The following NRXN1 variants were observed in gnomAD, a reference collection of about 807,000 sequenced individuals.
The protein encoded by NRXN1 is neurexin-1.
NRXN1 carries 39 observed loss-of-function variants against 150.9 expected under a neutral mutation model. The observed-to-expected ratio is 0.26, with a 90% CI of 0.20 to 0.34. The LOEUF (loss-of-function observed/expected upper bound fraction) is 0.34. Among genes scored for constraint, NRXN1 ranks in the 10% least tolerant of loss-of-function variants. The pLI is 1.00. For missense variants in NRXN1, 1,815 were observed against 1,949.9 expected (o/e 0.93, Z 1.30); for synonymous variants, 924 against 757.0 (o/e 1.22, Z -3.62).
intron 17 of NRXN1, among the ~76,000 whole-genome samples, chr2:50,409,763 C>T (rs1346239699): frequency 6.6e-6 from 1 of 152,194 alleles, no homozygotes; most frequent in Non-Finnish European, 1.5e-5. Context: ...ATGTAAGGTG[C>T]TGTGTCAACA....
At chr2:50,098,830 G>GTTTTTTTT (rs746736925) in intron 18 of NRXN1, among the ~76,000 whole-genome samples, 26 of 105,524 alleles carry the variant, frequency 2.5e-4, no homozygotes, top group East Asian at 6.1e-4. Flanking sequence ...TTTGGTTTTA[G>GTTTTTTTT]TTTTTTTTTT....
intron 17 of NRXN1, among the ~76,000 whole-genome samples, chr2:50,306,290 T>C (rs2074602994): frequency 6.6e-6 from 1 of 152,182 alleles, no homozygotes; most frequent in Admixed American, 6.5e-5. Flanking sequence ...CTTTTACTAA[T>C]AAAATAGATG....
intron 17 of NRXN1, among the ~76,000 whole-genome samples, chr2:50,343,662 GC>G (rs1423049243): frequency 6.6e-6 from 1 of 152,174 alleles, no homozygotes; most frequent in African/African-American, 2.4e-5. Context: ...TCTGCGCCCT[GC>G]AAACCTTGTA....
intron 18 of NRXN1, among the ~76,000 whole-genome samples, chr2:50,093,124 AT>A (rs2152699975): frequency 6.7e-6 from 1 of 149,038 alleles, no homozygotes; most frequent in South Asian, 2.1e-4. Context: ...CTAAAAAAAA[AT>A]CTTTAAAAAA....
intron 5 of NRXN1, among the ~76,000 whole-genome samples, chr2:50,634,795 A>C (rs1006657678): frequency 2.0e-5 from 3 of 152,064 alleles, no homozygotes; most frequent in African/African-American, 7.2e-5. Flanking sequence ...TGATGAGGGG[A>C]AGAGAAAAGA....
chr2:50,352,392 T>C (rs1021296729), intron 17 of NRXN1, among the ~76,000 whole-genome samples: 2 of 152,100 alleles, frequency 1.3e-5, no homozygotes, highest in Admixed American at 6.6e-5. Flanking sequence ...TCCTTAAGCT[T>C]AATTGGAAAC....
chr2:49,943,830 T>C (rs1349339100), intron 21 of NRXN1, 39 bp from the exon 22 acceptor site: 1 of 1,395,898 alleles, frequency 7.2e-7, no homozygotes, highest in Non-Finnish European at 1.0e-6. Flanking sequence ...ATTTAAAGGG[T>C]CCTAACAGAT....
intron 5 of NRXN1, chr2:50,829,751 T>C (rs540055506): frequency 7.5e-5 from 118 of 1,575,016 alleles, no homozygotes; most frequent in Non-Finnish European, 9.4e-5. Context: ...TTGCACGGCA[T>C]GGCCCGCTTA....
chr2:50,030,018 G>T (rs999756796), intron 21 of NRXN1, among the ~76,000 whole-genome samples: 1 of 152,128 alleles, frequency 6.6e-6, no homozygotes, highest in African/African-American at 2.4e-5. Flanking sequence ...ATGCAAGCAG[G>T]CATTTAAAAT....
At chr2:50,308,218 A>G (rs1444989028) in intron 17 of NRXN1, among the ~76,000 whole-genome samples, 1 of 152,134 alleles carries the variant, frequency 6.6e-6, no homozygotes. Context: ...CTTATCCTGA[A>G]AAACGTCAAT....
At chr2:50,029,216 C>A (rs1452445881) in intron 21 of NRXN1, among the ~76,000 whole-genome samples, 1 of 152,204 alleles carries the variant, frequency 6.6e-6, no homozygotes, top group African/African-American at 2.4e-5. Context: ...CAGGCCCTCA[C>A]CAGATACCGA....
chr2:50,414,232 G>A (rs2083383382), intron 17 of NRXN1, among the ~76,000 whole-genome samples: 1 of 152,068 alleles, frequency 6.6e-6, no homozygotes. Context: ...AAGGATAAAT[G>A]CTAGGGGGGA....
chr2:50,146,942 T>C (rs1230797625), intron 18 of NRXN1, among the ~76,000 whole-genome samples: 1 of 151,750 alleles, frequency 6.6e-6, no homozygotes, highest in Non-Finnish European at 1.5e-5. Context: ...CATTTTCACA[T>C]TACCACTTCA....
At chr2:50,858,314 C>T (rs1675569209) in intron 5 of NRXN1, among the ~76,000 whole-genome samples, 1 of 152,078 alleles carries the variant, frequency 6.6e-6, no homozygotes, top group Admixed American at 6.6e-5. Context: ...AGAAGCACCA[C>T]CATTGTCTCA....
At chr2:50,824,984 C>A (rs1044058611) in intron 5 of NRXN1, among the ~76,000 whole-genome samples, 3 of 152,144 alleles carry the variant, frequency 2.0e-5, no homozygotes, top group African/African-American at 4.8e-5. Flanking sequence ...ATTAACAGCA[C>A]GCAAGTGATA....
At chr2:50,866,616 T>C (rs1315387373) in intron 5 of NRXN1, among the ~76,000 whole-genome samples, 2 of 151,938 alleles carry the variant, frequency 1.3e-5, no homozygotes, top group Non-Finnish European at 2.9e-5. Flanking sequence ...ATAGTTATAA[T>C]TTACACGCCT....
intron 22 of NRXN1, among the ~76,000 whole-genome samples, chr2:49,942,258 A>T (rs1672109833): frequency 6.6e-6 from 1 of 152,100 alleles, no homozygotes; most frequent in African/African-American, 2.4e-5. Context: ...GAGCATACCC[A>T]GCCTGGTCTC....
intron 2 of NRXN1, among the ~76,000 whole-genome samples, chr2:50,950,303 A>G (rs1173879043): frequency 2.6e-5 from 4 of 152,206 alleles, no homozygotes; most frequent in Non-Finnish European, 5.9e-5. Context: ...GCAATAAAAA[A>G]GAAAAGATAA....
At chr2:49,974,019 C>A (rs1197073021) in intron 21 of NRXN1, 8 of 717,394 alleles carry the variant, frequency 1.1e-5, no homozygotes, top group South Asian at 4.4e-5. Context: ...GGCTACCCTG[C>A]GTGCTTAGAG....
Sources: gnomAD v4.1 joint callset for allele counts (sites outside exome capture counted in the v4.1 genomes callset) on GRCh38, gnomAD v4.1.1 for gene constraint, MANE v1.5 for transcripts, NCBI Gene and HGNC (gene_info 2026-07-23, HGNC 2026-07-21) for gene names.